Variants in PCDH15 observed in about 807,000 individuals in gnomAD.
PCDH15 encodes protocadherin related 15, also known as protocadherin-15.
Under a neutral mutation model 178.5 loss-of-function variants are expected in PCDH15, and 129 were observed. The observed-to-expected ratio is 0.72, with a 90% CI of 0.63 to 0.84. The LOEUF (loss-of-function observed/expected upper bound fraction) is 0.84, where lower values mean the gene tolerates loss of function less well. PCDH15 is among the 40% of genes least tolerant of loss of function. PCDH15 has a pLI of 0.00. For missense variants in PCDH15, 2,230 were observed against 2,099.9 expected (o/e 1.06, Z -1.21); for synonymous variants, 800 against 732.0 (o/e 1.09, Z -1.50).
At chr10:55,036,208 G>C (rs780127290) in intron 2 of PCDH15, among the ~76,000 whole-genome samples, 2 of 152,216 alleles carry the variant, frequency 1.3e-5, no homozygotes, top group East Asian at 3.9e-4. Flanking sequence ...AAGCAAGAAG[G>C]CTTTTGCTAG....
chr10:54,877,977 T>G (rs1954181764), intron 3 of PCDH15, among the ~76,000 whole-genome samples: 2 of 87,800 alleles, frequency 2.3e-5, no homozygotes, highest in Non-Finnish European at 4.7e-5. Context: ...TTTTTTTTTT[T>G]GTTGAAGTGG....
At chr10:54,315,691 G>A (rs976677313) in intron 8 of PCDH15, among the ~76,000 whole-genome samples, 1 of 141,136 alleles carries the variant, frequency 7.1e-6, no homozygotes, top group Non-Finnish European at 1.6e-5. Flanking sequence ...AATCCATCTT[G>A]AGTTGATTTT....
chr10:54,934,927 A>T (rs1837868199), intron 2 of PCDH15, among the ~76,000 whole-genome samples: 2 of 152,014 alleles, frequency 1.3e-5, no homozygotes, highest in Admixed American at 6.6e-5. Flanking sequence ...ATGTCCTTTG[A>T]AGGGACATGG....
At chr10:55,334,083 A>C (rs915076761) in intron 2 of PCDH15, among the ~76,000 whole-genome samples, 2 of 150,838 alleles carry the variant, frequency 1.3e-5, no homozygotes, top group Non-Finnish European at 2.9e-5. Flanking sequence ...TTATACTTCT[A>C]GCACGCCACT....
chr10:54,805,477 T>C (rs1443583967), upstream of PCDH15, among the ~76,000 whole-genome samples: 2 of 152,202 alleles, frequency 1.3e-5, no homozygotes, highest in Non-Finnish European at 2.9e-5. Context: ...GAGGGTCATC[T>C]GTATTCACAC....
intron 2 of PCDH15, among the ~76,000 whole-genome samples, chr10:55,581,540 T>C (rs144927400): frequency 8.4e-4 from 128 of 152,182 alleles, no homozygotes; most frequent in African/African-American, 2.9e-3. Flanking sequence ...GCTTTTCTTT[T>C]CTGCACATAA....
intron 2 of PCDH15, among the ~76,000 whole-genome samples, chr10:55,559,071 T>C (rs966697167): frequency 8.6e-5 from 13 of 152,032 alleles, no homozygotes; most frequent in African/African-American, 3.1e-4. Flanking sequence ...AGATTTCTTG[T>C]AAGCTTGCAG....
intron 2 of PCDH15, among the ~76,000 whole-genome samples, chr10:55,088,104 C>G (rs561010234): frequency 6.6e-6 from 1 of 152,138 alleles, no homozygotes; most frequent in African/African-American, 2.4e-5. Flanking sequence ...TTCTAATACA[C>G]ATAAACTACT....
At chr10:54,801,233 C>T (rs375137855), upstream of PCDH15, 6 of 152,356 alleles carry the variant, frequency 3.9e-5, no homozygotes, top group South Asian at 8.3e-4. Flanking sequence ...GCAACTAACA[C>T]TAAGCTGCTA....
At chr10:54,574,490 G>A (rs1263690915) in intron 2 of PCDH15, among the ~76,000 whole-genome samples, 1 of 151,874 alleles carries the variant, frequency 6.6e-6, no homozygotes, top group Non-Finnish European at 1.5e-5. Flanking sequence ...TTTGGCTTAG[G>A]ACATGAACAG....
At chr10:54,183,316 A>G in intron 13 of PCDH15, 128 bp downstream of exon 13, 2 of 950,910 alleles carry the variant, frequency 2.1e-6, no homozygotes, top group South Asian at 1.3e-5. Context: ...AGCTATTTAA[A>G]CTAATTATGC....
intron 1 of PCDH15, among the ~76,000 whole-genome samples, chr10:55,180,324 C>A (rs1003318486): frequency 7.2e-5 from 11 of 152,122 alleles, no homozygotes; most frequent in Non-Finnish European, 1.3e-4. Context: ...AAAATGACTT[C>A]TTACAATACC....
At chr10:54,248,550 TCTA>T (rs1177227264) in intron 8 of PCDH15, among the ~76,000 whole-genome samples, 3 of 152,020 alleles carry the variant, frequency 2.0e-5, no homozygotes, top group South Asian at 4.1e-4. Flanking sequence ...TACCAAGAAC[TCTA>T]CTAACTGCTC....
chr10:55,337,963 G>A (rs1844441807), intron 2 of PCDH15, among the ~76,000 whole-genome samples: 1 of 151,626 alleles, frequency 6.6e-6, no homozygotes, highest in Admixed American at 6.6e-5. Context: ...CAATTCAATA[G>A]GAAAAAAATA....
chr10:54,190,094 C>T (rs962909466), intron 11 of PCDH15, among the ~76,000 whole-genome samples: 7 of 152,098 alleles, frequency 4.6e-5, no homozygotes, highest in Non-Finnish European at 4.4e-5. Flanking sequence ...AATACTATCA[C>T]AACTCACATT....
intron 2 of PCDH15, among the ~76,000 whole-genome samples, chr10:55,493,541 CAA>C (rs796675889): frequency 1.5e-5 from 2 of 133,056 alleles, no homozygotes; most frequent in Admixed American, 7.6e-5. Flanking sequence ...AACCTTGTCT[CAA>C]AAAAAAAAAG....
At chr10:55,567,902 A>C (rs1025786221) in intron 2 of PCDH15, among the ~76,000 whole-genome samples, 1 of 152,014 alleles carries the variant, frequency 6.6e-6, no homozygotes, top group Non-Finnish European at 1.5e-5. Context: ...AAGCTATCAA[A>C]ATAAAACAGA....
chr10:55,351,490 T>A (rs533409472), intron 2 of PCDH15, among the ~76,000 whole-genome samples: 2 of 152,126 alleles, frequency 1.3e-5, no homozygotes, highest in African/African-American at 4.8e-5. Flanking sequence ...CATAAAACAA[T>A]AATAAATAAG....
intron 1 of PCDH15, among the ~76,000 whole-genome samples, chr10:54,684,534 G>C (rs2094959356): frequency 6.6e-6 from 1 of 151,936 alleles, no homozygotes; most frequent in African/African-American, 2.4e-5. Flanking sequence ...TATATGAGAT[G>C]TTCTTGAAGT....
Sources: allele counts gnomAD v4.1 joint callset (sites outside exome capture counted in the v4.1 genomes callset), GRCh38; gene constraint gnomAD v4.1.1; transcripts MANE v1.5; gene names NCBI Gene and HGNC (gene_info 2026-07-23, HGNC 2026-07-21).